GRM8: variants seen among roughly 807,000 people sequenced by gnomAD.
GRM8 encodes the protein metabotropic glutamate receptor 8.
GRM8 carries 47 observed loss-of-function variants against 87.2 expected under a neutral mutation model. The observed-to-expected ratio is 0.54, with a 90% CI of 0.43 to 0.69. The LOEUF (loss-of-function observed/expected upper bound fraction) is 0.69. GRM8 is among the 30% of genes least tolerant of loss of function. GRM8 has a pLI of 0.00. For synonymous variants in GRM8, 396 were observed against 404.5 expected (o/e 0.98, Z 0.25); for missense variants, 1,019 against 1,139.2 (o/e 0.89, Z 1.52).
chr7:126,501,034 C>T (rs1001687579), intron 9 of GRM8, among the ~76,000 whole-genome samples: 50 of 151,864 alleles, frequency 3.3e-4, no homozygotes, highest in African/African-American at 1.2e-3. Flanking sequence ...TTCTAAAATG[C>T]TGCTTACATA....
intron 7 of GRM8, among the ~76,000 whole-genome samples, chr7:126,636,909 G>T (rs1207415772): frequency 6.6e-6 from 1 of 151,484 alleles, no homozygotes; most frequent in African/African-American, 2.4e-5. Flanking sequence ...TTTAACTTTT[G>T]TTGCATGGAT....
intron 3 of GRM8, among the ~76,000 whole-genome samples, chr7:127,018,661 A>C (rs907430183): frequency 2.6e-5 from 4 of 151,988 alleles, no homozygotes; most frequent in Non-Finnish European, 5.9e-5. Context: ...AACTCAGACC[A>C]AAAAGTCATA....
rs140318780 is a variant in GRM8, at chr7:127,148,380, C to T, written c.511-41668G>A. ...ATAGCAATACAATGATCATAGGGGA[C>T]TTCAATACCCCACTTTCAACAATAG... On this transcript the variant is annotated intron_variant, in intron 2 of 10. Transcript: ENST00000339582. Among the ~76,000 whole-genome samples, 163 of 151,422 alleles carry T rather than the reference C, an allele frequency of 1.1e-3. 1 individual carries two copies. The highest frequency in any genetic ancestry group is 4.9e-3 in the Admixed American group (74 of 15,178).
At chr7:126,904,810 C>T (rs1377355955) in intron 3 of GRM8, 127 bp from the exon 4 acceptor site, 8 of 805,472 alleles carry the variant, frequency 9.9e-6, no homozygotes, top group East Asian at 7.4e-5. Context: ...GTGTCACTCT[C>T]ACCTATTAAG....
At chr7:126,573,724 A>G (rs143895943) in intron 8 of GRM8, among the ~76,000 whole-genome samples, 1 of 151,988 alleles carries the variant, frequency 6.6e-6, no homozygotes, top group African/African-American at 2.4e-5. Flanking sequence ...AGCTTGGACT[A>G]CAGGGAGTGT....
chr7:126,891,456 A>T (rs534017445), intron 6 of GRM8, among the ~76,000 whole-genome samples: 6 of 150,820 alleles, frequency 4.0e-5, no homozygotes, highest in African/African-American at 1.5e-4. Context: ...ATTGACTTTC[A>T]AAACATTTTT....
At chr7:126,961,605 C>T (rs759571941) in intron 3 of GRM8, among the ~76,000 whole-genome samples, 4 of 152,176 alleles carry the variant, frequency 2.6e-5, no homozygotes, top group Non-Finnish European at 5.9e-5. Context: ...ACTCCTGCCT[C>T]ACCACAGAGC....
intron 3 of GRM8, among the ~76,000 whole-genome samples, chr7:127,085,367 A>G (rs1823361563): frequency 6.6e-6 from 1 of 152,242 alleles, no homozygotes; most frequent in South Asian, 2.1e-4. Context: ...TTCTAGTTGT[A>G]GATCCTTGAG....
At chr7:127,138,445 C>A (rs1295281070) in intron 2 of GRM8, among the ~76,000 whole-genome samples, 1 of 152,074 alleles carries the variant, frequency 6.6e-6, no homozygotes, top group South Asian at 2.1e-4. Flanking sequence ...AAATACTGCT[C>A]CAGCCCTTCA....
At chr7:127,120,615 G>T (rs1333645260) in intron 2 of GRM8, among the ~76,000 whole-genome samples, 1 of 152,180 alleles carries the variant, frequency 6.6e-6, no homozygotes, top group African/African-American at 2.4e-5. Context: ...GTACTCAAGA[G>T]CCCTGTTTCC....
chr7:126,531,363 C>T (rs1344684327), intron 9 of GRM8, among the ~76,000 whole-genome samples: 1 of 152,090 alleles, frequency 6.6e-6, no homozygotes. Flanking sequence ...TTTCAGTGTG[C>T]TTCTTAGATT....
At chr7:126,632,097 C>T (rs982359699) in intron 7 of GRM8, among the ~76,000 whole-genome samples, 1 of 152,078 alleles carries the variant, frequency 6.6e-6, no homozygotes, top group African/African-American at 2.4e-5. Context: ...AACAGACAAC[C>T]CACAGAATGG....
chr7:127,163,790 T>C (rs1794411255), intron 2 of GRM8, among the ~76,000 whole-genome samples: 1 of 152,156 alleles, frequency 6.6e-6, no homozygotes, highest in Admixed American at 6.6e-5. Flanking sequence ...CCTCTACTTT[T>C]GCACATGTTT....
At chr7:126,760,305 C>T (rs1366350550) in intron 7 of GRM8, among the ~76,000 whole-genome samples, 6 of 152,158 alleles carry the variant, frequency 3.9e-5, no homozygotes, top group African/African-American at 7.2e-5. Context: ...AGAGTAAAAA[C>T]TGATTTGCTT....
At chr7:127,243,619 G>A (rs1407676609) in intron 1 of GRM8, 104 bp from the exon 2 acceptor site, 1 of 163,996 alleles carries the variant, frequency 6.1e-6, no homozygotes, top group African/African-American at 2.4e-5. Context: ...CCCCTATTCA[G>A]TAAGAAACTA....
rs1818654775 is a variant in GRM8, at chr7:126,769,962, G to C, written c.1260C>G (p.His420Gln). 6.2e-7 allele frequency: 1 copy of C among 1,611,596 alleles called. No individual in the cohort carries two copies. The highest frequency in any genetic ancestry group is 1.1e-5 in the South Asian group (1 of 91,032). ...YSMAYALHNMHKDLCPGYIGL... is the reference protein window; with the variant it reads ...YSMAYALHNMQKDLCPGYIGL... ...CAATGTATCCAGGGCAGAGATCTTTGTGCATATTGTGCAGGGCGTAAGCCA... is the reference window on the plus strand; with the variant it reads ...CAATGTATCCAGGGCAGAGATCTTTCTGCATATTGTGCAGGGCGTAAGCCA... Residue 420 changes from histidine (H) to glutamine (Q), a missense_variant, in exon 7 of 11, where the codon CAC becomes CAG. His to Gln is a conservative substitution (Grantham distance 24). Coordinates refer to ENST00000339582, the MANE Select transcript of GRM8 (RefSeq NM_000845.3).
chr7:126,900,701 G>C (rs1262374309), intron 6 of GRM8, among the ~76,000 whole-genome samples: 1 of 152,046 alleles, frequency 6.6e-6, no homozygotes, highest in African/African-American at 2.4e-5. Flanking sequence ...GTAGAGATGG[G>C]TTTTCACCAT....
chr7:126,876,596 C>T (rs1006563152), intron 6 of GRM8, among the ~76,000 whole-genome samples: 2 of 152,132 alleles, frequency 1.3e-5, no homozygotes, highest in Non-Finnish European at 2.9e-5. Flanking sequence ...CCTAACTGTG[C>T]TGTGCAAGAA....
intron 8 of GRM8, among the ~76,000 whole-genome samples, chr7:126,557,164 A>T (rs1793232988): frequency 6.6e-6 from 1 of 152,198 alleles, no homozygotes; most frequent in African/African-American, 2.4e-5. Flanking sequence ...AGTGCAGAAG[A>T]CCTCACACTG....
Sources: gnomAD v4.1 joint callset for allele counts (sites outside exome capture counted in the v4.1 genomes callset) on GRCh38, gnomAD v4.1.1 for gene constraint, MANE v1.5 for transcripts, NCBI Gene and HGNC (gene_info 2026-07-23, HGNC 2026-07-21) for gene names.